Variants in ZKSCAN7 observed in about 807,000 individuals in gnomAD.
ZKSCAN7 encodes the protein zinc finger with KRAB and SCAN domains 7.
A neutral mutation model predicts 65.3 loss-of-function variants in ZKSCAN7; 38 were observed. The observed-to-expected ratio is 0.58, with a 90% CI of 0.45 to 0.76. The LOEUF (loss-of-function observed/expected upper bound fraction) is 0.76, where lower values mean the gene tolerates loss of function less well. Among genes scored for constraint, ZKSCAN7 ranks in the 30% least tolerant of loss-of-function variants. The pLI is 0.00. For missense variants in ZKSCAN7, 815 were observed against 913.3 expected (o/e 0.89, Z 1.39); for synonymous variants, 321 against 321.0 (o/e 1.00, Z 0.00).
chr3:44,578,255 A>G lies in ZKSCAN7; in HGVS notation c.812-4717A>G, dbSNP rs566863769. On this transcript the variant is annotated intron_variant, in intron 5 of 5. Coordinates refer to the ZKSCAN7 transcript ENST00000341840. ...CTTCTTGTCCCACAGTGCTGTCTGC[A>G]GCTCATCCTTGAGGGAGCTAATCTC... The G allele has an allele frequency of 2.6e-5, 41 of 1,562,804 alleles. No individual in the cohort carries two copies. The East Asian group carries it at 3.1e-4, about 12-fold the overall frequency.
At position 44,572,049 on chromosome 3, in the gene ZKSCAN7, C is replaced by T; in HGVS notation, c.*674C>T. On this transcript the variant is annotated 3_prime_UTR_variant, in exon 6 of 6. Coordinates refer to ENST00000426540, the MANE Select transcript of ZKSCAN7 (RefSeq NM_001288590.2). ...CTTGTAAATTTTGCGTGTCTGTATA[C>T]TTTTATACCAACTTATTGTAGGCTC... is the stretch of plus-strand genomic sequence containing the variant. The T allele has an allele frequency of 1.0e-6, 1 of 985,622 alleles. No homozygotes were observed. The highest frequency in any genetic ancestry group is 1.2e-6 in the Non-Finnish European group (1 of 830,060). The allele number at this position is 985,622 out of a possible 1,614,324, so 61.1% of individuals were successfully genotyped here.
At chr3:44,564,947 C>T (rs1338866968) in intron 2 of ZKSCAN7, among the ~76,000 whole-genome samples, 4 of 152,098 alleles carry the variant, frequency 2.6e-5, no homozygotes, top group South Asian at 2.1e-4. Flanking sequence ...ACTACAGCTG[C>T]GTGCCACCAT....
At chr3:44,565,362 G>C in intron 2 of ZKSCAN7, 125 bp from the exon 3 acceptor site, 1 of 934,056 alleles carries the variant, frequency 1.1e-6, no homozygotes, top group Non-Finnish European at 1.6e-6. Flanking sequence ...GTAGTGGTGG[G>C]GCTGGAAGGA....
chr3:44,561,185 G>A (rs1005807714), intron 2 of ZKSCAN7, among the ~76,000 whole-genome samples: 1 of 152,208 alleles, frequency 6.6e-6, no homozygotes, highest in African/African-American at 2.4e-5. Context: ...TTAACAGGAA[G>A]CATGACTGGG....
In ZKSCAN7 at chr3:44,555,396, T is replaced by A. The variant is rs1699260501; in HGVS notation, c.-204T>A. On this transcript the variant is annotated 5_prime_UTR_variant, in exon 1 of 6. Coordinates refer to ENST00000426540, the MANE Select transcript of ZKSCAN7 (RefSeq NM_001288590.2). ...AGAAGCCGCCCGATGTAGAGCCGCTTCTTTGTCTCATACCCCTGACCATTC... is the reference window on the plus strand; with the variant it reads ...AGAAGCCGCCCGATGTAGAGCCGCTACTTTGTCTCATACCCCTGACCATTC... 6.6e-6 allele frequency: 1 copy of A among 152,260 alleles called. No homozygotes were observed. Among genetic ancestry groups the A allele is most frequent in the African/African-American group, 2.4e-5 (1 of 41,474 alleles). 9.4% of individuals were successfully genotyped at this position (152,260 alleles called of 1,614,324 possible).
At chr3:44,580,340 A>G (rs1700042224) in intron 5 of ZKSCAN7, 1 of 1,612,392 alleles carries the variant, frequency 6.2e-7, no homozygotes. Context: ...GGGAGCTGGC[A>G]GCAGGAGGCT....
At chr3:44,579,890 A>C in intron 5 of ZKSCAN7, 2 of 1,606,928 alleles carry the variant, frequency 1.2e-6, no homozygotes, top group South Asian at 2.2e-5. Context: ...GTCGGGCGTC[A>C]CGGAGGGCTC....
intron 5 of ZKSCAN7, among the ~76,000 whole-genome samples, chr3:44,582,151 C>T (rs1700100075): frequency 6.6e-6 from 1 of 152,188 alleles, no homozygotes; most frequent in South Asian, 2.1e-4. Context: ...TCCACAAGCA[C>T]CTAGTGGTGC....
At chr3:44,581,712 G>A (rs1327877358) in intron 5 of ZKSCAN7, among the ~76,000 whole-genome samples, 1 of 152,160 alleles carries the variant, frequency 6.6e-6, no homozygotes, top group African/African-American at 2.4e-5. Context: ...TTAGGTGGTG[G>A]TCAGACCCAG....
chr3:44,580,631 C>A, intron 5 of ZKSCAN7: 2 of 1,613,930 alleles, frequency 1.2e-6, no homozygotes, highest in Non-Finnish European at 1.7e-6. Flanking sequence ...CCTTGGTCTC[C>A]GCCCGGATGA....
chr3:44,557,114 G>A lies in ZKSCAN7; in HGVS notation c.67G>A (p.Gly23Arg). 6.2e-7 allele frequency: 1 copy of A among 1,614,256 alleles called. No individual in the cohort carries two copies. The highest frequency in any genetic ancestry group is 1.1e-5 in the South Asian group (1 of 91,086). Residue 23 changes from glycine to arginine, a missense_variant, in exon 2 of 6, where the codon GGG becomes AGG. By Grantham distance (125) the Gly-to-Arg change is moderately radical. Coordinates refer to ENST00000426540, the MANE Select transcript of ZKSCAN7 (RefSeq NM_001288590.2). ...PRSTAFQKQE[G>R]RLTVKQEPAN... is the part of the protein sequence containing the mutation. ...GAGCACTGCTTTCCAGAAGCAAGAG[G>A]GGCGCCTGACTGTGAAGCAGGAGCC...
At chr3:44,578,352 G>A (rs988706063) in intron 5 of ZKSCAN7, 14 of 1,605,910 alleles carry the variant, frequency 8.7e-6, no homozygotes, top group Admixed American at 1.7e-5. Flanking sequence ...TCCTTGCCCT[G>A]TGCAAGGGGT....
At chr3:44,563,817 G>A (rs377558952) in intron 2 of ZKSCAN7, among the ~76,000 whole-genome samples, 2 of 152,202 alleles carry the variant, frequency 1.3e-5, no homozygotes, top group African/African-American at 2.4e-5. Context: ...AATTATCACA[G>A]TGCAGTAAGT....
In ZKSCAN7 at chr3:44,570,345, A is replaced by G. The variant is rs775672871; in HGVS notation, c.1235A>G (p.Glu412Gly). 1.2e-5 allele frequency: 20 copies of G among 1,614,120 alleles called. No homozygotes were observed. Among genetic ancestry groups the G allele is most frequent in the Non-Finnish European group, 1.7e-5 (20 of 1,180,022 alleles). The change falls in exon 6 of 6, where the codon GAG (glutamate) becomes GGG (glycine). Residue 412 changes from glutamate (E) to glycine (G), a missense_variant. Transcript: ENST00000426540. The stretch of plus-strand genomic sequence containing the variant: ...ATCCACACTGGAGAGAAACCCTATG[A>G]GTGTAATGAGTGTGGGAAGACCTTC... ...QRIHTGEKPY[E>G]CNECGKTFRQ...
At chr3:44,562,969 CA>C (rs1217925022) in intron 2 of ZKSCAN7, among the ~76,000 whole-genome samples, 5 of 143,386 alleles carry the variant, frequency 3.5e-5, no homozygotes, top group Non-Finnish European at 7.7e-5. Flanking sequence ...GACTCCATCT[CA>C]AAAAACAAAA....
In ZKSCAN7 at chr3:44,569,695, C is replaced by CT. The variant is rs533237917; in HGVS notation, c.812-221dup. Among the ~76,000 whole-genome samples the CT allele has an allele frequency of 8.3e-3, 1,261 of 152,186 alleles. 17 individuals carry two copies. The highest frequency in any genetic ancestry group is 0.05 in the South Asian group (240 of 4,822). ...TGACTTGGTTGTGCTGGCTTAGTAT[C>CT]TTTTTTCCACCTGTTTTCACTGACC... is the stretch of plus-strand genomic sequence containing the variant. On this transcript the variant is annotated intron_variant, in intron 5 of 5. Transcript: ENST00000426540.
intron 5 of ZKSCAN7, chr3:44,581,039 G>T: frequency 6.5e-7 from 1 of 1,537,924 alleles, no homozygotes; most frequent in Non-Finnish European, 8.8e-7. Context: ...TCGGCGCGGC[G>T]GCGGCGGCGG....
chr3:44,565,517 C>G lies in ZKSCAN7; in HGVS notation c.454C>G (p.His152Asp). Reference sequence around the variant, plus strand: ...AGCCCCAGCACAGAAACAGGAAATGCATTTTGAGGAGACAACAGCTCTGGG... The same window carrying G: ...AGCCCCAGCACAGAAACAGGAAATGGATTTTGAGGAGACAACAGCTCTGGG... Reference protein sequence around the residue: ...VSAPAQKQEMHFEETTALGTT... With the variant: ...VSAPAQKQEMDFEETTALGTT... Residue 152 changes from histidine to aspartate, a missense_variant, in exon 3 of 6, where the codon CAT becomes GAT. Physicochemically the swap from His to Asp is moderately conservative, Grantham distance 81 (BLOSUM62 -1). Transcript: ENST00000426540. The G allele has an allele frequency of 6.2e-7, 1 of 1,609,832 alleles. No homozygotes were observed. Among genetic ancestry groups the G allele is most frequent in the South Asian group, 1.1e-5 (1 of 89,960 alleles).
chr3:44,570,325 C>T lies in ZKSCAN7; in HGVS notation c.1215C>T (p.His405=). ...SSHLIGHQRI[H]TGEKPYECNE... ...ACCTTATTGGCCATCAGAGAATCCA[C>T]ACTGGAGAGAAACCCTATGAGTGTA... is the stretch of plus-strand genomic sequence containing the variant. Residue 405 remains histidine, a synonymous_variant, in exon 6 of 6, where the codon CAC becomes CAT. Transcript: ENST00000426540. The T allele has an allele frequency of 6.2e-7, 1 of 1,614,200 alleles. No homozygotes were observed. Among genetic ancestry groups the T allele is most frequent in the Non-Finnish European group, 8.5e-7 (1 of 1,180,032 alleles).
Sources: gnomAD v4.1 joint callset for allele counts (sites outside exome capture counted in the v4.1 genomes callset) on GRCh38, gnomAD v4.1.1 for gene constraint, MANE v1.5 for transcripts, NCBI Gene and HGNC (gene_info 2026-07-23, HGNC 2026-07-21) for gene names.